SPPL2A: variants seen among roughly 807,000 people sequenced by gnomAD.
The protein encoded by SPPL2A is signal peptide peptidase like 2A.
In SPPL2A, 51 loss-of-function variants were observed where a neutral mutation model predicts 63.8. The observed-to-expected ratio is 0.80, with a 90% CI of 0.64 to 1.01. The LOEUF is 1.01. SPPL2A is among the 50% of genes least tolerant of loss of function. SPPL2A has a pLI of 0.00. For missense variants in SPPL2A, 553 were observed against 622.7 expected (o/e 0.89, Z 1.19); for synonymous variants, 188 against 205.8 (o/e 0.91, Z 0.74).
intron 14 of SPPL2A, among the ~76,000 whole-genome samples, chr15:50,711,972 G>C (rs2062562548): frequency 6.6e-6 from 1 of 152,150 alleles, no homozygotes; most frequent in Non-Finnish European, 1.5e-5. Context: ...AGTGGCATAT[G>C]ACAATTACAG....
At chr15:50,717,115 T>C (rs2062604612) in intron 14 of SPPL2A, among the ~76,000 whole-genome samples, 1 of 152,208 alleles carries the variant, frequency 6.6e-6, no homozygotes, top group African/African-American at 2.4e-5. Flanking sequence ...CTCTTAACTT[T>C]GTTCACGTCT....
At chr15:50,740,224 C>G (rs181576469) in intron 5 of SPPL2A, among the ~76,000 whole-genome samples, 77 of 151,382 alleles carry the variant, frequency 5.1e-4, no homozygotes, top group African/African-American at 1.8e-3. Flanking sequence ...GTCAGGAGTT[C>G]GAGACCAGCC....
Position 50,707,537 on chromosome 15 carries a change from T to G in SPPL2A, c.*263A>C, listed in dbSNP as rs2062520058. ...GTATAGGGGTGGGTCAAGGCATTTT[T>G]TTTTAGAAAAATATACTGTATATAG... On this transcript the variant is annotated 3_prime_UTR_variant, in exon 15 of 15. Transcript: ENST00000261854. 2 of 314,856 alleles carry G rather than the reference T, an allele frequency of 6.4e-6. No homozygotes were observed. The highest frequency in any genetic ancestry group is 4.3e-5 in the African/African-American group (2 of 46,662). 19.5% of individuals were successfully genotyped at this position (314,856 alleles called of 1,614,324 possible). A position where few individuals can be genotyped will look rare whatever the true frequency, so the allele number is the denominator to read the frequency against.
At chr15:50,741,362 A>T (rs190887520) in intron 5 of SPPL2A, among the ~76,000 whole-genome samples, 1,805 of 150,642 alleles carry the variant, frequency 0.012, 26 homozygotes, top group African/African-American at 0.032. Context: ...TTAAAAATAA[A>T]AAAAAAAAAA....
At chr15:50,726,289 G>T (rs373105658) in intron 11 of SPPL2A, 32 bp downstream of exon 11, 17 of 1,605,664 alleles carry the variant, frequency 1.1e-5, no homozygotes, top group Admixed American at 1.7e-5. Flanking sequence ...ACATACACTG[G>T]ATAGCCATTT....
At chr15:50,735,387 C>A (rs773888353) in intron 8 of SPPL2A, among the ~76,000 whole-genome samples, 1 of 151,988 alleles carries the variant, frequency 6.6e-6, no homozygotes, top group Admixed American at 6.6e-5. Flanking sequence ...CACTCTCTCT[C>A]TCTTTCTCTC....
intron 5 of SPPL2A, among the ~76,000 whole-genome samples, chr15:50,745,567 T>TC (rs2062851446): frequency 1.7e-5 from 2 of 114,628 alleles, no homozygotes; most frequent in South Asian, 2.8e-4. Flanking sequence ...TTTTTTTTTT[T>TC]AGTAGGGTCT....
chr15:50,714,105 T>G (rs573533049), intron 14 of SPPL2A, among the ~76,000 whole-genome samples: 13 of 152,360 alleles, frequency 8.5e-5, no homozygotes, highest in Admixed American at 7.8e-4. Context: ...GTATTCTGAA[T>G]GTCTTTACCT....
Position 50,704,385 on chromosome 15 carries a change from T to G in SPPL2A, c.*3415A>C, listed in dbSNP as rs1398341711. Reference sequence around the variant, plus strand: ...AAAATCTACAAGCTAGAAGAAAATATAATGTATTAGAATATCAAGGTCTTT... The same window carrying G: ...AAAATCTACAAGCTAGAAGAAAATAGAATGTATTAGAATATCAAGGTCTTT... On this transcript the variant is annotated 3_prime_UTR_variant, in exon 15 of 15. Coordinates refer to ENST00000261854, the MANE Select transcript of SPPL2A (RefSeq NM_032802.4). 6 of 140,632 alleles carry G rather than the reference T, an allele frequency of 4.3e-5. No individual in the cohort carries two copies. The highest frequency in any genetic ancestry group is 1.6e-4 in the African/African-American group (6 of 38,210). 8.7% of individuals were successfully genotyped at this position (140,632 alleles called of 1,614,324 possible).
chr15:50,717,299 C>T (rs144751136), intron 14 of SPPL2A, among the ~76,000 whole-genome samples: 4 of 152,192 alleles, frequency 2.6e-5, no homozygotes, highest in East Asian at 3.9e-4. Context: ...CTCAGGCTCC[C>T]GAGCAGCTAG....
In SPPL2A at chr15:50,702,417, G is replaced by A. The variant is rs1366440372; in HGVS notation, c.*5383C>T. 1.3e-5 allele frequency: 2 copies of A among 151,904 alleles called. No homozygotes were observed. Among genetic ancestry groups the A allele is most frequent in the East Asian group, 3.8e-4 (2 of 5,200 alleles). 9.4% of individuals were successfully genotyped at this position (151,904 alleles called of 1,614,324 possible). On this transcript the variant is annotated 3_prime_UTR_variant, in exon 15 of 15. Transcript: ENST00000261854. Reference sequence around the variant, plus strand: ...TTAAAACATTCCATAAAAATATAAAGCCTAGTAGTGTTATAAAAGTATTAA... The same window carrying A: ...TTAAAACATTCCATAAAAATATAAAACCTAGTAGTGTTATAAAAGTATTAA...
Position 50,730,690 on chromosome 15 carries a change from G to A in SPPL2A, c.1089+275C>T, listed in dbSNP as rs11637308. 0.035 allele frequency among the ~76,000 whole-genome samples: 5,246 copies of A among 152,042 alleles called. 113 individuals carry two copies. Among genetic ancestry groups the A allele is most frequent in the Middle Eastern group, 0.1 (30 of 294 alleles). On this transcript the variant is annotated intron_variant, in intron 10 of 14. Transcript: ENST00000261854. ...TTTTATTTTTTTTATTGTCTATATT[G>A]CCTACAGTAAACATTTAGCTCATAA... is the stretch of plus-strand genomic sequence containing the variant.
rs147306943 is a variant in SPPL2A at position 50,754,923 on chromosome 15, G to T, written c.67-5177C>A. On this transcript the variant is annotated intron_variant, in intron 1 of 14. Transcript: ENST00000261854. ...CTTGAACCCAGGAGGCAGAGGTTGC[G>T]GTGAGCCAAGATCGAGCCATTGCAC... Among the ~76,000 whole-genome samples, 373 of 149,922 alleles carry T rather than the reference G, an allele frequency of 2.5e-3. 4 individuals carry two copies. Among genetic ancestry groups the T allele is most frequent in the African/African-American group, 8.7e-3 (353 of 40,712 alleles).
chr15:50,738,975 A>G (rs2062796316), intron 6 of SPPL2A, among the ~76,000 whole-genome samples: 1 of 152,132 alleles, frequency 6.6e-6, no homozygotes, highest in African/African-American at 2.4e-5. Flanking sequence ...TACACTTGGG[A>G]GTAAGTAGAG....
intron 14 of SPPL2A, among the ~76,000 whole-genome samples, chr15:50,710,812 G>C (rs2062550094): frequency 6.6e-6 from 1 of 152,134 alleles, no homozygotes; most frequent in Admixed American, 6.6e-5. Context: ...AAGTACTAGT[G>C]ACATTTAACA....
intron 14 of SPPL2A, 73 bp from the exon 15 acceptor site, chr15:50,707,947 G>A: frequency 1.3e-6 from 1 of 797,834 alleles, no homozygotes; most frequent in Non-Finnish European, 2.2e-6. Context: ...ATTAGCAAAA[G>A]GATTCTTTTT....
chr15:50,722,084 T>A lies in SPPL2A; in HGVS notation c.1327+40A>T, dbSNP rs758199597. ...GACCTCTGTCTTTTCCTCCAGACAA[T>A]ACAATTCAACATTTAATACAAAGAA... On this transcript the variant is annotated intron_variant, in intron 13 of 14. Transcript: ENST00000261854. The A allele has an allele frequency of 5.6e-6, 6 of 1,067,446 alleles. No homozygotes were observed. The Admixed American group carries it at 1.0e-4, about 18-fold the overall frequency. The allele number at this position is 1,067,446 out of a possible 1,614,324, so 66.1% of individuals were successfully genotyped here.
At chr15:50,726,705 A>T (rs2062690734) in intron 10 of SPPL2A, among the ~76,000 whole-genome samples, 1 of 152,246 alleles carries the variant, frequency 6.6e-6, no homozygotes, top group Admixed American at 6.5e-5. Context: ...TAAAAATTTT[A>T]GGTACAGTAC....
intron 14 of SPPL2A, among the ~76,000 whole-genome samples, chr15:50,718,443 G>T (rs1174225595): frequency 6.6e-6 from 1 of 152,072 alleles, no homozygotes; most frequent in Admixed American, 6.6e-5. Flanking sequence ...TTTGAGATGT[G>T]ATTTTTAGAT....
Sources: gnomAD v4.1 joint callset for allele counts (sites outside exome capture counted in the v4.1 genomes callset) on GRCh38, gnomAD v4.1.1 for gene constraint, MANE v1.5 for transcripts, NCBI Gene and HGNC (gene_info 2026-07-23, HGNC 2026-07-21) for gene names.